TRHDE: variants seen among roughly 807,000 people sequenced by gnomAD.
TRHDE encodes thyrotropin-releasing hormone-degrading ectoenzyme.
Under a neutral mutation model 125.7 loss-of-function variants are expected in TRHDE, and 72 were observed. That is an observed-to-expected ratio of 0.57 (90% CI 0.47 to 0.70). The LOEUF (loss-of-function observed/expected upper bound fraction) is 0.70. Ranked by LOEUF, TRHDE falls within the 30% of genes least tolerant of loss-of-function variation. The pLI is 0.00. For missense variants in TRHDE, 1,110 were observed against 1,327.1 expected (o/e 0.84, Z 2.54); for synonymous variants, 509 against 509.1 (o/e 1.00, Z 0.00).
In TRHDE at chr12:72,499,607, G is replaced by A. The variant is rs1878063861; in HGVS notation, c.1694G>A (p.Arg565Lys). 8 of 1,613,734 alleles carry A rather than the reference G, an allele frequency of 5.0e-6. No homozygotes were observed. The highest frequency in any genetic ancestry group is 2.2e-5 in the East Asian group (1 of 44,862). Reference protein sequence around the residue: ...QEVLQATDIDRVFDWIAYKKG... With the variant: ...QEVLQATDIDKVFDWIAYKKG... ...GTGCTGCAGGCAACAGATATTGACA[G>A]GGTGTTTGACTGGATCGCATATAAA... Residue 565 changes from arginine (R) to lysine (K), a missense_variant, in exon 6 of 19, where the codon AGG (arginine) becomes AAG (lysine). Arg to Lys is a conservative substitution (Grantham distance 26). Coordinates refer to ENST00000261180, the MANE Select transcript of TRHDE (RefSeq NM_013381.3).
rs554718987 is a variant in TRHDE at position 72,409,626 on chromosome 12, A to G, written c.1315+31505A>G. Among the ~76,000 whole-genome samples, 74 of 152,328 alleles carry G rather than the reference A, an allele frequency of 4.9e-4. 1 individual carries two copies. Among genetic ancestry groups the G allele is most frequent in the African/African-American group, 1.7e-3 (70 of 41,580 alleles). ...GCTCTAGTTGATCCTCTATGGATGT[A>G]AATGTGACAGAAATAAACCTTTGTT... is the stretch of plus-strand genomic sequence containing the variant. On this transcript the variant is annotated intron_variant, in intron 3 of 18. Coordinates refer to ENST00000261180, the MANE Select transcript of TRHDE (RefSeq NM_013381.3).
At chr12:72,309,301 G>A (rs1565693073) in intron 2 of TRHDE, among the ~76,000 whole-genome samples, 1 of 152,164 alleles carries the variant, frequency 6.6e-6, no homozygotes, top group Non-Finnish European at 1.5e-5. Context: ...TGAAGAGAAA[G>A]TGTGAGAAAG....
chr12:72,109,815 T>C (rs1188983115), intron 2 of TRHDE, among the ~76,000 whole-genome samples: 2 of 152,066 alleles, frequency 1.3e-5, no homozygotes, highest in East Asian at 3.9e-4. Context: ...AGATAAATTG[T>C]TACTCATTGC....
chr12:72,527,607 A>G (rs968839932), intron 6 of TRHDE, among the ~76,000 whole-genome samples: 3 of 151,902 alleles, frequency 2.0e-5, no homozygotes, highest in South Asian at 4.2e-4. Flanking sequence ...AAAAGACAAA[A>G]TAAGCCAGAG....
At chr12:72,299,177 G>A (rs548596776) in intron 2 of TRHDE, among the ~76,000 whole-genome samples, 6 of 152,154 alleles carry the variant, frequency 3.9e-5, no homozygotes, top group Non-Finnish European at 8.8e-5. Flanking sequence ...AGACTTGTAG[G>A]AAACAAAGAG....
intron 6 of TRHDE, among the ~76,000 whole-genome samples, chr12:72,527,828 C>A (rs1013393971): frequency 1.3e-5 from 2 of 152,074 alleles, no homozygotes; most frequent in Non-Finnish European, 1.5e-5. Flanking sequence ...TGAATTTCAT[C>A]ATGTAACTAA....
intron 2 of TRHDE, among the ~76,000 whole-genome samples, chr12:72,289,879 C>A (rs192746281): frequency 6.6e-6 from 1 of 152,122 alleles, no homozygotes. Context: ...TAATCCAGAC[C>A]GCTTTTATTC....
In TRHDE at chr12:72,413,573, G is replaced by A. The variant is rs190408914; in HGVS notation, c.1315+35452G>A. On this transcript the variant is annotated intron_variant, in intron 3 of 18. Transcript: ENST00000261180. ...ATATCTACTAGAAATTTTAAACTAT[G>A]TATGTAATTAATTTTATTTCTGAAA... Among the ~76,000 whole-genome samples the A allele has an allele frequency of 2.0e-3, 301 of 151,726 alleles. 1 individual carries two copies. The highest frequency in any genetic ancestry group is 6.6e-3 in the African/African-American group (274 of 41,396).
At chr12:72,556,961 G>C (rs1224297159) in intron 7 of TRHDE, among the ~76,000 whole-genome samples, 2 of 152,060 alleles carry the variant, frequency 1.3e-5, no homozygotes, top group Non-Finnish European at 2.9e-5. Context: ...CACTATTGGT[G>C]GTGGTCTCCC....
At chr12:72,454,485 T>C (rs1379745010) in intron 3 of TRHDE, among the ~76,000 whole-genome samples, 2 of 152,226 alleles carry the variant, frequency 1.3e-5, no homozygotes, top group Non-Finnish European at 1.5e-5. Context: ...TTAATCCCTG[T>C]TCATGGACCT....
At chr12:72,425,897 A>C (rs1874162999) in intron 3 of TRHDE, among the ~76,000 whole-genome samples, 1 of 151,978 alleles carries the variant, frequency 6.6e-6, no homozygotes, top group African/African-American at 2.4e-5. Flanking sequence ...GAAACTAAGA[A>C]GCTCTAGAAC....
rs187146262 is a variant in TRHDE, at chr12:72,582,042, T to C, written c.2321+6500T>C. On this transcript the variant is annotated intron_variant, in intron 12 of 18. Coordinates refer to ENST00000261180, the MANE Select transcript of TRHDE (RefSeq NM_013381.3). ...GCTTGAACCCAGGAGGCGGAACTTG[T>C]AGTGAGCCAAGATGGTGCCACTGCA... Among the ~76,000 whole-genome samples, 129 of 131,748 alleles carry C rather than the reference T, an allele frequency of 9.8e-4. 1 individual carries two copies. Among genetic ancestry groups the C allele is most frequent in the African/African-American group, 3.7e-3 (126 of 33,652 alleles). 86.4% of individuals were successfully genotyped at this position (131,748 alleles called of 152,430 possible). A position where few individuals can be genotyped will look rare whatever the true frequency, so the allele number is the denominator to read the frequency against.
intron 5 of TRHDE, among the ~76,000 whole-genome samples, chr12:72,492,640 A>G (rs1286384089): frequency 6.6e-6 from 1 of 151,910 alleles, no homozygotes; most frequent in Non-Finnish European, 1.5e-5. Context: ...AAAAACAAGA[A>G]GGAAAAACAC....
chr12:72,201,148 G>C lies in TRHDE; in HGVS notation n.279+95396G>C, dbSNP rs183283434. Among the ~76,000 whole-genome samples the C allele has an allele frequency of 5.1e-4, 78 of 152,286 alleles. 1 individual carries two copies. Among genetic ancestry groups the C allele is most frequent in the Non-Finnish European group, 9.4e-4 (64 of 68,026 alleles). Reference sequence around the variant, plus strand: ...GAGTAGAACTAGGGAAGAATGGAAAGAGATGCAATTGAAGTAGGGATCAGA... The same window carrying C: ...GAGTAGAACTAGGGAAGAATGGAAACAGATGCAATTGAAGTAGGGATCAGA... On this transcript the variant is annotated intron_variant and non_coding_transcript_variant, in intron 2 of 4. Transcript: ENST00000548156.
At chr12:72,244,531 T>C (rs12296374) in intron 2 of TRHDE, among the ~76,000 whole-genome samples, 1,902 of 149,408 alleles carry the variant, frequency 0.013, 48 homozygotes, top group African/African-American at 0.044. Context: ...TTTACTTTTT[T>C]GTTTGCTAAT....
At position 72,653,227 on chromosome 12, in the gene TRHDE, G is replaced by A. The variant is rs971972762; in HGVS notation, c.2984+71G>A. 33 of 1,332,772 alleles carry A rather than the reference G, an allele frequency of 2.5e-5. 3 individuals are homozygous for A. In the South Asian group the frequency reaches 4.7e-4, roughly 19 times the overall value. The allele number at this position is 1,332,772 out of a possible 1,614,324, so 82.6% of individuals were successfully genotyped here. ...TAGGAGGAATAAAGGCCCAAGTTTT[G>A]TGTTAAAGCTAAGATCCATGCAATA... On this transcript the variant is annotated intron_variant, in intron 17 of 18. Transcript: ENST00000261180.
chr12:72,490,211 G>T (rs995547770), intron 5 of TRHDE, among the ~76,000 whole-genome samples: 2 of 151,808 alleles, frequency 1.3e-5, no homozygotes, highest in Non-Finnish European at 2.9e-5. Flanking sequence ...CATAAAAATA[G>T]CCAGCAGATA....
At position 72,448,471 on chromosome 12, in the gene TRHDE, A is replaced by G. The variant is rs185670307; in HGVS notation, c.1316-21287A>G. ...TAAATAAGCATTGGTTTTATTTAGT[A>G]TCAGTGTTAAGCAGTTAATAAACTT... On this transcript the variant is annotated intron_variant, in intron 3 of 18. Transcript: ENST00000261180. Among the ~76,000 whole-genome samples the G allele has an allele frequency of 7.9e-5, 12 of 152,202 alleles. No individual in the cohort carries two copies. In the East Asian group the frequency reaches 2.1e-3, roughly 27 times the overall value.
At chr12:72,347,717 G>C (rs1482944711) in intron 2 of TRHDE, among the ~76,000 whole-genome samples, 1 of 151,962 alleles carries the variant, frequency 6.6e-6, no homozygotes. Context: ...CTCTCCATAC[G>C]GCAAATTACC....
Sources: allele counts gnomAD v4.1 joint callset (sites outside exome capture counted in the v4.1 genomes callset), GRCh38; gene constraint gnomAD v4.1.1; transcripts MANE v1.5; gene names NCBI Gene and HGNC (gene_info 2026-07-23, HGNC 2026-07-21).